The following ADAM18 variants were observed in gnomAD, a reference collection of about 807,000 sequenced individuals.
The protein encoded by ADAM18 is disintegrin and metalloproteinase domain-containing protein 18.
A neutral mutation model predicts 94.4 loss-of-function variants in ADAM18; 117 were observed. The observed-to-expected ratio is 1.24, with a 90% CI of 1.07 to 1.45. The LOEUF is 1.45. Ranked by LOEUF, ADAM18 falls within the 40% of genes most tolerant of loss-of-function variation. The probability of loss-of-function intolerance (pLI) is 0.00; values close to 1 mark genes in which losing one functional copy is unlikely to be tolerated. For missense variants in ADAM18, 936 were observed against 880.0 expected (o/e 1.06, Z -0.81); for synonymous variants, 327 against 291.6 (o/e 1.12, Z -1.24).
At chr8:39,728,456 G>T (rs1213181660) in intron 19 of ADAM18, among the ~76,000 whole-genome samples, 1 of 152,080 alleles carries the variant, frequency 6.6e-6, no homozygotes, top group Non-Finnish European at 1.5e-5. Flanking sequence ...TCAAGTCATA[G>T]AGAGTCAGAA....
chr8:39,586,028 T>C (rs1052968697), intron 2 of ADAM18, among the ~76,000 whole-genome samples: 1 of 152,176 alleles, frequency 6.6e-6, no homozygotes, highest in African/African-American at 2.4e-5. Context: ...TTCTATGCAG[T>C]CAAAATGGGC....
intron 16 of ADAM18, 49 bp from the exon 17 acceptor site, chr8:39,692,551 T>C: frequency 1.6e-6 from 2 of 1,222,528 alleles, no homozygotes; most frequent in Non-Finnish European, 2.3e-6. Flanking sequence ...TTTTTTCTTG[T>C]TTTATATGAC....
In ADAM18 at chr8:39,689,942, C is replaced by G. The variant is rs147673209; in HGVS notation, c.1822-2658C>G. On this transcript the variant is annotated intron_variant, in intron 16 of 19. Coordinates refer to ENST00000265707, the MANE Select transcript of ADAM18 (RefSeq NM_014237.3). ...CTAGTTCGCTGTATTCCTAGGTATT[C>G]TGTGTGTGTGTGCGGCAGCTGTGAA... Among the ~76,000 whole-genome samples the G allele has an allele frequency of 2.4e-3, 361 of 152,134 alleles. 4 individuals carry two copies. Among genetic ancestry groups the G allele is most frequent in the African/African-American group, 8.2e-3 (341 of 41,514 alleles).
chr8:39,634,980 A>G (rs1006467134), intron 7 of ADAM18, among the ~76,000 whole-genome samples: 1 of 152,136 alleles, frequency 6.6e-6, no homozygotes, highest in African/African-American at 2.4e-5. Context: ...CTTAATGGCC[A>G]ATGTGATGGT....
At chr8:39,718,160 G>T (rs544770208) in intron 18 of ADAM18, among the ~76,000 whole-genome samples, 4 of 151,560 alleles carry the variant, frequency 2.6e-5, no homozygotes, top group African/African-American at 7.2e-5. Flanking sequence ...CAGTATGGAG[G>T]TTCCTCAAAA....
intron 9 of ADAM18, among the ~76,000 whole-genome samples, chr8:39,638,204 A>C (rs1234654402): frequency 6.6e-6 from 1 of 151,914 alleles, no homozygotes; most frequent in Non-Finnish European, 1.5e-5. Flanking sequence ...ATTTGAGCTA[A>C]TAAAATTATA....
At chr8:39,651,635 G>C (rs1413915266) in intron 12 of ADAM18, among the ~76,000 whole-genome samples, 3 of 81,308 alleles carry the variant, frequency 3.7e-5, no homozygotes, top group Non-Finnish European at 1.1e-4. Flanking sequence ...GTTGGGGGTA[G>C]GGTTACAGAT....
chr8:39,640,889 GT>G (rs1446080592), intron 10 of ADAM18, among the ~76,000 whole-genome samples: 1 of 146,624 alleles, frequency 6.8e-6, no homozygotes, highest in African/African-American at 2.5e-5. Flanking sequence ...TTGTTAATTT[GT>G]TTATGTTCCA....
intron 6 of ADAM18, among the ~76,000 whole-genome samples, chr8:39,617,767 G>A (rs1035713900): frequency 6.6e-6 from 1 of 150,860 alleles, no homozygotes; most frequent in African/African-American, 2.4e-5. Context: ...TGTTCTCACT[G>A]ATAAGTGGGA....
chr8:39,619,869 C>G (rs977399104), intron 6 of ADAM18, among the ~76,000 whole-genome samples: 2 of 152,010 alleles, frequency 1.3e-5, no homozygotes, highest in African/African-American at 4.8e-5. Context: ...CCAGTCTTTA[C>G]AGAAATAGAA....
At chr8:39,708,067 T>C (rs933061223) in intron 18 of ADAM18, among the ~76,000 whole-genome samples, 1 of 152,204 alleles carries the variant, frequency 6.6e-6, no homozygotes, top group Non-Finnish European at 1.5e-5. Context: ...ATTCAGGTCC[T>C]GGGTGAGACA....
Position 39,648,450 on chromosome 8 carries a change from C to T in ADAM18, c.1153C>T (p.Pro385Ser). 3 of 1,612,638 alleles carry T rather than the reference C, an allele frequency of 1.9e-6. No homozygotes were observed. The highest frequency in any genetic ancestry group is 2.5e-6 in the Non-Finnish European group (3 of 1,179,360). Residue 385 changes from proline to serine, a missense_variant, in exon 12 of 20, where the codon CCA (proline) becomes TCA (serine). Pro to Ser is a moderately conservative substitution (Grantham distance 74). Coordinates refer to ENST00000265707, the MANE Select transcript of ADAM18 (RefSeq NM_014237.3). ...CCTTCAGAAGCTTTCAAATTTGCAA[C>T]CATTACATCAAAATCAACCAGTGTG... is the stretch of plus-strand genomic sequence containing the variant. ...KCLQKLSNLQ[P>S]LHQNQPVCGN... is the part of the protein sequence containing the mutation.
chr8:39,710,569 C>T (rs997500309), intron 18 of ADAM18, among the ~76,000 whole-genome samples: 1 of 152,024 alleles, frequency 6.6e-6, no homozygotes, highest in Non-Finnish European at 1.5e-5. Flanking sequence ...GCTTTTTTAC[C>T]CTAGACTGAT....
At chr8:39,704,772 T>C (rs1325172926) in intron 17 of ADAM18, among the ~76,000 whole-genome samples, 3 of 152,140 alleles carry the variant, frequency 2.0e-5, no homozygotes, top group Non-Finnish European at 2.9e-5. Context: ...TTGTGGTTTT[T>C]GGGAAATTTT....
Position 39,677,504 on chromosome 8 carries a change from T to A in ADAM18, c.1599T>A (p.Phe533Leu). 6.2e-7 allele frequency: 1 copy of A among 1,610,352 alleles called. No homozygotes were observed. The highest frequency in any genetic ancestry group is 1.7e-4 in the Middle Eastern group (1 of 6,028). Residue 533 changes from phenylalanine (F) to leucine (L), a missense_variant, in exon 15 of 20, where the codon TTT (phenylalanine) becomes TTA (leucine). Coordinates refer to ENST00000265707, the MANE Select transcript of ADAM18 (RefSeq NM_014237.3). ...ATGAAAGATCTGAAAACTGTGGTTT[T>A]AAAAATTCACAACCATTACCTTGTG... ...SLHERSENCG[F>L]KNSQPLPCER...
intron 6 of ADAM18, chr8:39,611,375 G>A: frequency 1.1e-6 from 1 of 931,166 alleles, no homozygotes; most frequent in Non-Finnish European, 1.3e-6. Context: ...CACTTCTTGG[G>A]TCTGTAAATG....
chr8:39,624,216 C>A (rs574421638), intron 6 of ADAM18, among the ~76,000 whole-genome samples: 1 of 152,286 alleles, frequency 6.6e-6, no homozygotes, highest in South Asian at 2.1e-4. Context: ...GTCATAATTT[C>A]TTTGCCTAGG....
intron 2 of ADAM18, among the ~76,000 whole-genome samples, chr8:39,592,817 T>C (rs942466325): frequency 3.3e-5 from 5 of 152,150 alleles, no homozygotes; most frequent in Non-Finnish European, 7.4e-5. Flanking sequence ...CGTGTACCCC[T>C]GAATCTAAAA....
chr8:39,703,550 G>A (rs1219433020), intron 17 of ADAM18, among the ~76,000 whole-genome samples: 1 of 151,916 alleles, frequency 6.6e-6, no homozygotes. Context: ...GGGCACCTTA[G>A]CTCATGTCAG....
Sources: allele counts gnomAD v4.1 joint callset (sites outside exome capture counted in the v4.1 genomes callset), GRCh38; gene constraint gnomAD v4.1.1; transcripts MANE v1.5; gene names NCBI Gene and HGNC (gene_info 2026-07-23, HGNC 2026-07-21).